Variants in MME observed in about 807,000 individuals in gnomAD.
The protein encoded by MME is membrane metalloendopeptidase, also known as neprilysin.
Under a neutral mutation model 113.2 loss-of-function variants are expected in MME, and 98 were observed. That is an observed-to-expected ratio of 0.87 (90% CI 0.74 to 1.02). The LOEUF (loss-of-function observed/expected upper bound fraction) is 1.02. MME is among the 50% of genes least tolerant of loss of function. MME has a pLI of 0.00. For missense variants in MME, 836 were observed against 896.0 expected (o/e 0.93, Z 0.86); for synonymous variants, 292 against 300.6 (o/e 0.97, Z 0.30).
In MME at chr3:155,166,971, G is replaced by A. The variant is rs371862411; in HGVS notation, c.1730G>A (p.Gly577Asp). 6 of 1,613,628 alleles carry A rather than the reference G, an allele frequency of 3.7e-6. No homozygotes were observed. In the South Asian group the frequency reaches 4.4e-5, roughly 12 times the overall value. ...AQQSNSLNYG[G>D]IGMVIGHEIT... ...CAGTCCAACTCATTGAACTATGGGG[G>A]CATCGGCATGGTCATAGGACACGAA... Residue 577 changes from glycine (G) to aspartate (D), a missense_variant, in exon 18 of 23, where the codon GGC (glycine) becomes GAC (aspartate). Transcript: ENST00000360490.
Position 155,166,857 on chromosome 3 carries a change from A to C in MME, c.1661-45A>C. The C allele has an allele frequency of 1.9e-6, 3 of 1,612,834 alleles. No homozygotes were observed. In the South Asian group the frequency reaches 3.3e-5, roughly 18 times the overall value. The stretch of plus-strand genomic sequence containing the variant: ...GTCTCTAAGAAAATAAAAATTTTAA[A>C]AACTTATGCCACAAATAATCTCTAA... On this transcript the variant is annotated intron_variant, in intron 17 of 22. Coordinates refer to ENST00000360490, the MANE Select transcript of MME (RefSeq NM_007289.4).
chr3:155,031,955 G>A (rs1367097769), intron 1 of MME, among the ~76,000 whole-genome samples: 1 of 152,234 alleles, frequency 6.6e-6, no homozygotes, highest in Non-Finnish European at 1.5e-5. Context: ...CATCGCACCC[G>A]GCCACCAGCT....
chr3:155,029,195 AC>A (rs1242044865), intron 1 of MME, among the ~76,000 whole-genome samples: 1 of 152,144 alleles, frequency 6.6e-6, no homozygotes, highest in African/African-American at 2.4e-5. Context: ...AAAGGAGGAA[AC>A]CAAATTTTAC....
chr3:155,056,266 G>T (rs940022718), intron 1 of MME, among the ~76,000 whole-genome samples: 38 of 151,442 alleles, frequency 2.5e-4, no homozygotes, highest in African/African-American at 9.0e-4. Flanking sequence ...CCATGCTGGT[G>T]TGCTGCACCC....
intron 8 of MME, among the ~76,000 whole-genome samples, chr3:155,136,076 A>G (rs1207113133): frequency 1.3e-5 from 2 of 152,198 alleles, no homozygotes; most frequent in African/African-American, 4.8e-5. Flanking sequence ...ATAGAATCAT[A>G]TCATTAGTGA....
intron 18 of MME, among the ~76,000 whole-genome samples, chr3:155,167,951 G>A (rs1242640754): frequency 3.3e-5 from 5 of 152,164 alleles, no homozygotes; most frequent in South Asian, 4.1e-4. Context: ...GTAATATTGT[G>A]TCAAAACACA....
intron 1 of MME, among the ~76,000 whole-genome samples, chr3:155,032,363 C>T (rs748497347): frequency 3.9e-5 from 6 of 152,198 alleles, no homozygotes; most frequent in Non-Finnish European, 5.9e-5. Flanking sequence ...GACCAAATTT[C>T]ATACAACAGA....
rs775975174 is a variant in MME, at chr3:155,140,284, A to G, written c.949A>G (p.Asn317Asp). ...CCAAAATAACTTTTCACTAGAGATC[A>G]ATGGGAAGGTAAGTGGTAAGTTTTT... ...QIQNNFSLEI[N>D]GKPFSWLNFT... Residue 317 changes from asparagine to aspartate, a missense_variant, in exon 10 of 23, where the codon AAT becomes GAT. Physicochemically the swap from Asn to Asp is conservative, Grantham distance 23 (BLOSUM62 1). Transcript: ENST00000360490. 2 of 1,605,708 alleles carry G rather than the reference A, an allele frequency of 1.2e-6. No individual in the cohort carries two copies. Among genetic ancestry groups the G allele is most frequent in the Admixed American group, 1.7e-5 (1 of 59,908 alleles).
intron 8 of MME, among the ~76,000 whole-genome samples, chr3:155,136,113 A>G (rs1328149003): frequency 1.3e-5 from 2 of 152,146 alleles, no homozygotes; most frequent in Non-Finnish European, 2.9e-5. Context: ...TTCTTTTCCT[A>G]TTTGGATGCC....
At chr3:155,058,803 A>G (rs1284297119) in intron 1 of MME, among the ~76,000 whole-genome samples, 1 of 152,224 alleles carries the variant, frequency 6.6e-6, no homozygotes, top group Non-Finnish European at 1.5e-5. Flanking sequence ...ATTTCCTAGT[A>G]AAACACCCAT....
At chr3:155,136,132 C>T (rs1720613942) in intron 8 of MME, among the ~76,000 whole-genome samples, 2 of 152,056 alleles carry the variant, frequency 1.3e-5, no homozygotes, top group Non-Finnish European at 2.9e-5. Context: ...CCTTCTCTTT[C>T]GTTCTTTTGC....
At chr3:155,065,275 C>T (rs965816376) in intron 1 of MME, among the ~76,000 whole-genome samples, 1 of 152,156 alleles carries the variant, frequency 6.6e-6, no homozygotes, top group African/African-American at 2.4e-5. Flanking sequence ...GCTGTAGCTA[C>T]TGTTTCTCTC....
At chr3:155,135,574 C>T (rs1166355252) in intron 8 of MME, among the ~76,000 whole-genome samples, 2 of 152,210 alleles carry the variant, frequency 1.3e-5, no homozygotes, top group South Asian at 2.1e-4. Context: ...AATGTGATGC[C>T]TCCAGTCTTG....
intron 22 of MME, among the ~76,000 whole-genome samples, chr3:155,176,976 G>A (rs1287171780): frequency 6.6e-6 from 1 of 152,172 alleles, no homozygotes; most frequent in Non-Finnish European, 1.5e-5. Context: ...GAATGGGCAT[G>A]GAGAGCTGAG....
At chr3:155,114,857 A>G in intron 3 of MME, 137 bp from the exon 4 acceptor site, 1 of 803,976 alleles carries the variant, frequency 1.2e-6, no homozygotes, top group Non-Finnish European at 2.1e-6. Flanking sequence ...ATCCCCCTGA[A>G]TTGACTTATA....
chr3:155,081,867 A>G (rs917920415), intron 1 of MME: 1 of 152,228 alleles, frequency 6.6e-6, no homozygotes, highest in Non-Finnish European at 1.5e-5. Flanking sequence ...TTTTGAAAAA[A>G]GGCTACTAAG....
chr3:155,136,430 G>A (rs954727760), intron 8 of MME, among the ~76,000 whole-genome samples: 5 of 152,162 alleles, frequency 3.3e-5, no homozygotes, highest in African/African-American at 1.2e-4. Flanking sequence ...TTCTGTTGAT[G>A]TGGTGAAATT....
At chr3:155,128,496 A>G (rs1240958314) in intron 8 of MME, among the ~76,000 whole-genome samples, 2 of 152,186 alleles carry the variant, frequency 1.3e-5, no homozygotes, top group African/African-American at 4.8e-5. Flanking sequence ...GAGGAGTTAT[A>G]AATCTGGAAG....
intron 7 of MME, 148 bp downstream of exon 7, chr3:155,117,134 A>G (rs936781671): frequency 1.4e-5 from 9 of 636,672 alleles, no homozygotes; most frequent in Non-Finnish European, 2.3e-5. Flanking sequence ...TGTCCCTAAT[A>G]CCTGGAGTTC....
Sources: allele counts gnomAD v4.1 joint callset (sites outside exome capture counted in the v4.1 genomes callset), GRCh38; gene constraint gnomAD v4.1.1; transcripts MANE v1.5; gene names NCBI Gene and HGNC (gene_info 2026-07-23, HGNC 2026-07-21).